Variants in MSL1 observed in about 807,000 individuals in gnomAD.
MSL1 encodes the protein MSL complex subunit 1.
In MSL1, 21 loss-of-function variants were observed where a neutral mutation model predicts 64.6. The ratio of observed to expected loss-of-function variants is 0.33; its 90% CI spans 0.23 to 0.47. The LOEUF is 0.47. Ranked by LOEUF, MSL1 falls within the 20% of genes least tolerant of loss-of-function variation. The probability of loss-of-function intolerance (pLI) is 1.00; values close to 1 mark genes in which losing one functional copy is unlikely to be tolerated. For missense variants in MSL1, 664 were observed against 793.2 expected, an observed-to-expected ratio of 0.84 and a Z score of 1.96; for synonymous variants, 339 against 329.6, an observed-to-expected ratio of 1.03 and a Z score of -0.31.
In MSL1 at chr17:40,123,371, G is replaced by A. The variant is rs1988236647; in HGVS notation, c.759G>A (p.Glu253=). The change falls in exon 1 of 9, where the codon GAG becomes GAA. Residue 253 remains glutamate, a synonymous_variant. Transcript: ENST00000398532. ...KEKEIEELKS[E]RDTLLARIER... ...AGGAGATCGAGGAGCTGAAGTCAGA[G>A]AGAGACACGGTACGGGAGGGGTTAA... 6.5e-7 allele frequency: 1 copy of A among 1,536,428 alleles called. No homozygotes were observed.
At chr17:40,132,734 T>A (rs1404303180) in intron 5 of MSL1, among the ~76,000 whole-genome samples, 1 of 152,248 alleles carries the variant, frequency 6.6e-6, no homozygotes, top group East Asian at 1.9e-4. Flanking sequence ...GTCAGACTCT[T>A]ACAAAGTATG....
At position 40,123,035 on chromosome 17, in the gene MSL1, T is replaced by G; in HGVS notation, c.423T>G (p.Ser141=). 5 of 1,532,120 alleles carry G rather than the reference T, an allele frequency of 3.3e-6. No individual in the cohort carries two copies. Among genetic ancestry groups the G allele is most frequent in the Middle Eastern group, 1.7e-4 (1 of 5,778 alleles). The allele number at this position is 1,532,120 out of a possible 1,614,324, so 94.9% of individuals were successfully genotyped here. ...YQAVLPIQTG[S]LVAAAKEPTP... Reference sequence around the variant, plus strand: ...CGGTGCTGCCCATTCAGACGGGCTCTCTCGTGGCGGCGGCCAAAGAGCCTA... The same window carrying G: ...CGGTGCTGCCCATTCAGACGGGCTCGCTCGTGGCGGCGGCCAAAGAGCCTA... The change falls in exon 1 of 9, where the codon TCT becomes TCG. Residue 141 remains serine (S), a synonymous_variant. Transcript: ENST00000398532.
Position 40,129,419 on chromosome 17 carries a change from G to C in MSL1, c.1167G>C (p.Lys389Asn). The C allele has an allele frequency of 6.2e-7, 1 of 1,613,204 alleles. No homozygotes were observed. Among genetic ancestry groups the C allele is most frequent in the Non-Finnish European group, 8.5e-7 (1 of 1,179,714 alleles). ...TGAGGAGCCAAGAAACCCCAGAAAAGCCCCGGTCTTCAGTGGACACCCCAC... is the reference window on the plus strand; with the variant it reads ...TGAGGAGCCAAGAAACCCCAGAAAACCCCCGGTCTTCAGTGGACACCCCAC... ...RELRSQETPE[K>N]PRSSVDTPPR... The change falls in exon 3 of 9, where the codon AAG becomes AAC. Residue 389 changes from lysine (K) to asparagine (N), a missense_variant. By Grantham distance (94) the Lys-to-Asn change is moderately conservative (BLOSUM62 0). Transcript: ENST00000398532.
intron 5 of MSL1, 76 bp from the exon 6 acceptor site, chr17:40,132,966 G>A: frequency 7.2e-7 from 1 of 1,389,638 alleles, no homozygotes; most frequent in Non-Finnish European, 1.0e-6. Flanking sequence ...GTTCCTGGAA[G>A]CTGGAAATTA....
rs761127844 is a variant in MSL1 at position 40,131,865 on chromosome 17, C to T, written c.1424-169C>T. On this transcript the variant is annotated intron_variant, in intron 4 of 8. Coordinates refer to ENST00000398532, the MANE Select transcript of MSL1 (RefSeq NM_001365919.1). This position sits in a 1 kb window ranked among gnomAD's most constrained non-coding sequence, Gnocchi z 4.5. ...CATTTTAGGTTCTTTTATACCATAG[C>T]AAGGACACTGAATATGGCTTCAGGG... 3.2e-6 allele frequency: 2 copies of T among 621,206 alleles called. No individual in the cohort carries two copies. The highest frequency in any genetic ancestry group is 5.6e-6 in the Non-Finnish European group (2 of 354,210). 38.5% of individuals were successfully genotyped at this position (621,206 alleles called of 1,614,324 possible). A position where few individuals can be genotyped will look rare whatever the true frequency, so the allele number is the denominator to read the frequency against.
chr17:40,127,452 A>C (rs2145130606), intron 2 of MSL1, among the ~76,000 whole-genome samples: 1 of 152,228 alleles, frequency 6.6e-6, no homozygotes, highest in South Asian at 2.1e-4. Context: ...GCAGTAAAAT[A>C]CGTAGATGTA....
chr17:40,128,531 C>T (rs546865129), intron 2 of MSL1, among the ~76,000 whole-genome samples: 1 of 151,254 alleles, frequency 6.6e-6, no homozygotes, highest in South Asian at 2.1e-4. Context: ...TGTGCCACCA[C>T]GCCTGACTAA....
intron 5 of MSL1, among the ~76,000 whole-genome samples, chr17:40,132,669 C>A (rs1189782032): frequency 1.3e-5 from 2 of 152,146 alleles, no homozygotes; most frequent in Non-Finnish European, 2.9e-5. Context: ...ACCCCTCAAC[C>A]ATAAAATTAC....
chr17:40,134,515 ACT>A lies in MSL1; in HGVS notation c.*149_*150del. ...ATACTTCCTTGACTTTGTTTTCATT[ACT>A]CTGATTTCACAAAAACTCTTTCATT... On this transcript the variant is annotated 3_prime_UTR_variant, in exon 9 of 9. Coordinates refer to ENST00000398532, the MANE Select transcript of MSL1 (RefSeq NM_001365919.1). 1 of 659,398 alleles carries A rather than the reference ACT, an allele frequency of 1.5e-6. No individual in the cohort carries two copies. The allele number at this position is 659,398 out of a possible 1,614,324, so 40.8% of individuals were successfully genotyped here.
At chr17:40,127,271 G>T (rs1988339628) in intron 2 of MSL1, among the ~76,000 whole-genome samples, 1 of 151,090 alleles carries the variant, frequency 6.6e-6, no homozygotes, top group South Asian at 2.1e-4. Context: ...GGAGGTTGAG[G>T]CTACAGTGAG....
chr17:40,130,149 T>C (rs1598412176), intron 3 of MSL1: 1 of 152,428 alleles, frequency 6.6e-6, no homozygotes, highest in East Asian at 1.9e-4. Flanking sequence ...TATGTCCCTG[T>C]CTGGGGGGCA....
intron 2 of MSL1, among the ~76,000 whole-genome samples, chr17:40,128,369 CTTTTTTTTTTTT>C (rs145183199): frequency 8.9e-6 from 1 of 112,708 alleles, no homozygotes; most frequent in Non-Finnish European, 1.8e-5. Context: ...CTTGAATATT[CTTTTTTTTTTTT>C]TTTTTTTTTC....
At chr17:40,129,872 C>CTTGTG in intron 3 of MSL1, 1 of 454,950 alleles carries the variant, frequency 2.2e-6, no homozygotes, top group Non-Finnish European at 3.9e-6. Flanking sequence ...GTAAGTTGCT[C>CTTGTG]ATCACAAGAG....
intron 3 of MSL1, 49 bp downstream of exon 3, chr17:40,129,676 G>T: frequency 2.0e-6 from 3 of 1,479,352 alleles, no homozygotes; most frequent in African/African-American, 1.4e-5. Flanking sequence ...TGGCGGTCAA[G>T]CTAACAAGTG....
At chr17:40,128,549 A>G (rs143202407) in intron 2 of MSL1, among the ~76,000 whole-genome samples, 2,270 of 140,220 alleles carry the variant, frequency 0.016, 78 homozygotes, top group African/African-American at 0.056. Context: ...TAATTTTTGT[A>G]TTTTTTTTTT....
chr17:40,126,136 T>C (rs769045520), intron 1 of MSL1, 47 bp from the exon 2 acceptor site: 12 of 1,565,664 alleles, frequency 7.7e-6, no homozygotes, highest in Non-Finnish European at 1.1e-5. Context: ...ATCTGTGTGT[T>C]TAATTTTTTA....
chr17:40,130,710 A>G (rs1353370559), intron 3 of MSL1, among the ~76,000 whole-genome samples: 2 of 152,216 alleles, frequency 1.3e-5, no homozygotes, highest in Admixed American at 6.5e-5. Flanking sequence ...ACTTGAGTAC[A>G]TGAGATAGAT....
In MSL1 at chr17:40,122,600, G is replaced by A; in HGVS notation, c.-13G>A. 2 of 1,449,362 alleles carry A rather than the reference G, an allele frequency of 1.4e-6. No homozygotes were observed. Among genetic ancestry groups the A allele is most frequent in the Non-Finnish European group, 1.8e-6 (2 of 1,106,678 alleles). 89.8% of individuals were successfully genotyped at this position (1,449,362 alleles called of 1,614,324 possible). On this transcript the variant is annotated 5_prime_UTR_variant, in exon 1 of 9. Coordinates refer to ENST00000398532, the MANE Select transcript of MSL1 (RefSeq NM_001365919.1). This position sits in a 1 kb window ranked among gnomAD's most constrained non-coding sequence, Gnocchi z 4.2. ...CTCCTCCGCCTCGGTGCCCGGCGCT[G>A]CTCCGGACCACTATGACCATGAGAT...
chr17:40,134,289 C>T lies in MSL1; in HGVS notation c.1765C>T (p.Leu589=). ...LPKLTPQNFE[L]PWLDERSRCR... ...ATCCTTTTTTGCCAGGAATTTTGAG[C>T]TACCCTGGTTGGATGAGCGTAGCCG... The change falls in exon 9 of 9, where the codon CTA becomes TTA. Residue 589 remains leucine, a synonymous_variant. Coordinates refer to ENST00000398532, the MANE Select transcript of MSL1 (RefSeq NM_001365919.1). The T allele has an allele frequency of 2.6e-6, 4 of 1,555,352 alleles. No individual in the cohort carries two copies. The highest frequency in any genetic ancestry group is 3.5e-6 in the Non-Finnish European group (4 of 1,148,994).
Sources: gnomAD v4.1 joint callset for allele counts (sites outside exome capture counted in the v4.1 genomes callset) on GRCh38, gnomAD v4.1.1 for gene constraint, Gnocchi (gnomAD v3.1) non-coding constraint, MANE v1.5 for transcripts, NCBI Gene and HGNC (gene_info 2026-07-23, HGNC 2026-07-21) for gene names.